The following TRPM4 variants were observed in gnomAD, a reference collection of about 807,000 sequenced individuals.
The protein encoded by TRPM4 is transient receptor potential cation channel subfamily M member 4.
A neutral mutation model predicts 135.6 loss-of-function variants in TRPM4; 124 were observed. That is an observed-to-expected ratio of 0.91 (90% CI 0.79 to 1.06). The LOEUF (loss-of-function observed/expected upper bound fraction) is 1.06, where lower values mean the gene tolerates loss of function less well. TRPM4 is among the 50% of genes least tolerant of loss of function. TRPM4 has a pLI of 0.00. For synonymous variants in TRPM4, 745 were observed against 705.6 expected (o/e 1.06, Z -0.88); for missense variants, 1,658 against 1,671.4 (o/e 0.99, Z 0.14).
At position 49,211,199 on chromosome 19, in the gene TRPM4, C is replaced by G. The variant is rs370370315; in HGVS notation, c.3570C>G (p.Ala1190=). ...GTAGCCGCGTCCTGGGGTGGGTGGC[C>G]GAGGCCCTGAGCCGCTCTGCCTTGC... ...QQCSRVLGWV[A]EALSRSALLP... The change falls in exon 24 of 25, where the codon GCC becomes GCG. Residue 1190 remains alanine (A), a synonymous_variant. Transcript: ENST00000252826. This position sits in a 1 kb window ranked among gnomAD's most constrained non-coding sequence, Gnocchi z 4.8. 7 of 1,602,042 alleles carry G rather than the reference C, an allele frequency of 4.4e-6. No homozygotes were observed. The African/African-American group carries it at 8.0e-5, about 18-fold the overall frequency.
intron 20 of TRPM4, among the ~76,000 whole-genome samples, chr19:49,207,878 C>G (rs1969207214): frequency 6.6e-6 from 1 of 151,982 alleles, no homozygotes; most frequent in Non-Finnish European, 1.5e-5. Flanking sequence ...GCCTGGGGGA[C>G]CACTACCACC....
chr19:49,190,786 T>C lies in TRPM4; in HGVS notation c.2210+13T>C, dbSNP rs770810282. 6.2e-7 allele frequency: 1 copy of C among 1,613,600 alleles called. No homozygotes were observed. The highest frequency in any genetic ancestry group is 8.5e-7 in the Non-Finnish European group (1 of 1,179,590). On this transcript the variant is annotated intron_variant, in intron 16 of 24. Coordinates refer to ENST00000252826, the MANE Select transcript of TRPM4 (RefSeq NM_017636.4). ...AAGGGCCTGTCGGGTGAGTGGAGCC[T>C]CCAGCACTGTGTGAGGTGGGGACAC...
intron 16 of TRPM4, among the ~76,000 whole-genome samples, chr19:49,195,885 T>G (rs981554468): frequency 2.7e-5 from 4 of 150,444 alleles, no homozygotes; most frequent in African/African-American, 9.8e-5. Flanking sequence ...ATTATTATTA[T>G]TATTATTTTT....
At chr19:49,197,514 T>TC (rs1968741595) in intron 17 of TRPM4, among the ~76,000 whole-genome samples, 2 of 146,036 alleles carry the variant, frequency 1.4e-5, no homozygotes, top group Non-Finnish European at 3.0e-5. Context: ...CTTCCTTCCT[T>TC]CTATGCTTCC....
At chr19:49,163,198 AT>A (rs71179098) in intron 2 of TRPM4, among the ~76,000 whole-genome samples, 27,271 of 145,122 alleles carry the variant, frequency 0.19, 3,140 homozygotes, top group South Asian at 0.31. Context: ...TATTATTATT[AT>A]TTTTTTTTTT....
rs763987428 is a variant in TRPM4, at chr19:49,210,866, A to T, written c.3461+24A>T. On this transcript the variant is annotated intron_variant, in intron 22 of 24. Coordinates refer to ENST00000252826, the MANE Select transcript of TRPM4 (RefSeq NM_017636.4). This position sits in a 1 kb window ranked among gnomAD's most constrained non-coding sequence, Gnocchi z 4.1. ...AAGTGAGAGCGGGGCCTGGTCGGGG[A>T]TGGGGCTTCTGGCCTGGGGCGGATC... is the stretch of plus-strand genomic sequence containing the variant. 2 of 1,546,838 alleles carry T rather than the reference A, an allele frequency of 1.3e-6. No homozygotes were observed. Among genetic ancestry groups the T allele is most frequent in the African/African-American group, 1.4e-5 (1 of 71,232 alleles).
rs767495100 is a variant in TRPM4 at position 49,166,103 on chromosome 19, C to A, written c.155C>A (p.Ala52Asp). 5 of 1,603,712 alleles carry A rather than the reference C, an allele frequency of 3.1e-6. No individual in the cohort carries two copies. The highest frequency in any genetic ancestry group is 1.7e-6 in the Non-Finnish European group (2 of 1,176,194). Residue 52 changes from alanine to aspartate, a missense_variant, in exon 3 of 25, where the codon GCC (alanine) becomes GAC (aspartate). Coordinates refer to ENST00000252826, the MANE Select transcript of TRPM4 (RefSeq NM_017636.4). ...CACCCCGCAGTGGCCATGGAGGATG[C>A]CTTCGGGGCAGCCGTGGTGACCGTG... ...TAHPAVAMED[A>D]FGAAVVTVWD...
At chr19:49,182,516 T>G in intron 10 of TRPM4, 62 bp from the exon 11 acceptor site, 1 of 1,373,884 alleles carries the variant, frequency 7.3e-7, no homozygotes. Flanking sequence ...CTCATACCCT[T>G]GCCCATCTCT....
At chr19:49,163,316 C>T (rs4802581) in intron 2 of TRPM4, among the ~76,000 whole-genome samples, 67,710 of 151,346 alleles carry the variant, frequency 0.45, 16,612 homozygotes, top group Non-Finnish European at 0.55. Flanking sequence ...CTGCCTCAGC[C>T]TCCTGAGTAG....
rs547541099 is a variant in TRPM4 at position 49,188,723 on chromosome 19, C to G, written c.1826C>G (p.Ala609Gly). The change falls in exon 13 of 25, where the codon GCA (alanine) becomes GGA (glycine). Residue 609 changes from alanine (A) to glycine (G), a missense_variant. Physicochemically the swap from Ala to Gly is moderately conservative, Grantham distance 60. Transcript: ENST00000252826. ...MARLEPDAEEAARRKDLAFKF... is the reference protein window; with the variant it reads ...MARLEPDAEEGARRKDLAFKF... ...CGCCTGGAGCCTGACGCTGAGGAGG[C>G]AGCACGGAGGAAAGACCTGGCGTTC... 21 of 1,614,208 alleles carry G rather than the reference C, an allele frequency of 1.3e-5. No individual in the cohort carries two copies. The African/African-American group carries it at 2.3e-4, about 17-fold the overall frequency.
At chr19:49,200,510 AGGGGCGTGACTTTG>A in intron 18 of TRPM4, 78 bp downstream of exon 18, 1 of 1,576,046 alleles carries the variant, frequency 6.3e-7, no homozygotes, top group Non-Finnish European at 8.6e-7. Context: ...TCCGTGGAGA[AGGGGCGTGACTTTG>A]GGGAGCAATG....
In TRPM4 at chr19:49,210,535, A is replaced by AAGGGGCGGAGCTTAAGCACTG; in HGVS notation, c.3328+137_3329-148dup. On this transcript the variant is annotated intron_variant, in intron 21 of 24. Coordinates refer to ENST00000252826, the MANE Select transcript of TRPM4 (RefSeq NM_017636.4). This position sits in a 1 kb window ranked among gnomAD's most constrained non-coding sequence, Gnocchi z 4.1. ...TAGCGAGGGGCGGGGTTTAAGCAAC[A>AAGGGGCGGAGCTTAAGCACTG]AGGGGCGGAGCTTAAGCACTGAGGG... is the stretch of plus-strand genomic sequence containing the variant. 7.1e-7 allele frequency: 1 copy of AAGGGGCGGAGCTTAAGCACTG among 1,414,604 alleles called. No homozygotes were observed. The highest frequency in any genetic ancestry group is 9.8e-7 in the Non-Finnish European group (1 of 1,024,574). The allele number at this position is 1,414,604 out of a possible 1,614,324, so 87.6% of individuals were successfully genotyped here.
At chr19:49,199,241 GT>G (rs566797949) in intron 17 of TRPM4, among the ~76,000 whole-genome samples, 60 of 144,648 alleles carry the variant, frequency 4.1e-4, no homozygotes, top group Non-Finnish European at 7.9e-4. Context: ...GTGCCCCCTT[GT>G]TTTTTTTTTG....
chr19:49,211,334 C>T lies in TRPM4; in HGVS notation c.3640+65C>T. ...TTCCTGTATTTTTGCGTGTTTTTCT[C>T]TCTCGGCACCTTTCCAGTGTCCCTG... On this transcript the variant is annotated intron_variant, in intron 24 of 24. Transcript: ENST00000252826. The surrounding 1 kb of genome is among the most constrained non-coding windows in gnomAD (Gnocchi z 4.8). 6.3e-7 allele frequency: 1 copy of T among 1,576,450 alleles called. No individual in the cohort carries two copies. Among genetic ancestry groups the T allele is most frequent in the Non-Finnish European group, 8.7e-7 (1 of 1,153,426 alleles).
chr19:49,164,038 T>C (rs1416912902), intron 2 of TRPM4, among the ~76,000 whole-genome samples: 12 of 152,260 alleles, frequency 7.9e-5, no homozygotes, highest in Admixed American at 7.9e-4. Context: ...GTTCTTTTAG[T>C]GTCTTTACGG....
chr19:49,190,972 G>C (rs751269493), intron 16 of TRPM4, among the ~76,000 whole-genome samples, 199 bp downstream of exon 16: 1 of 152,248 alleles, frequency 6.6e-6, no homozygotes, highest in East Asian at 1.9e-4. Context: ...TGGCATCTGC[G>C]GCTGGTGAGC....
chr19:49,208,487 G>C (rs1969232701), intron 20 of TRPM4, among the ~76,000 whole-genome samples: 1 of 151,776 alleles, frequency 6.6e-6, no homozygotes, highest in African/African-American at 2.4e-5. Context: ...GCCCTGTCCA[G>C]GAATAACAGA....
rs143590180 is a variant in TRPM4, at chr19:49,197,991, C to T, written c.2645+1117C>T. Among the ~76,000 whole-genome samples the T allele has an allele frequency of 7.2e-4, 110 of 152,142 alleles. No homozygotes were observed. In the East Asian group the frequency reaches 0.02, roughly 28 times the overall value. ...GATGTGGGTCACCGTGCCTGGCCAA[C>T]AACCTGGTGACTGTTTACAAGGGAC... On this transcript the variant is annotated intron_variant, in intron 17 of 24. Coordinates refer to ENST00000252826, the MANE Select transcript of TRPM4 (RefSeq NM_017636.4).
rs868589120 is a variant in TRPM4, at chr19:49,196,526, G to T, written c.2297G>T (p.Arg766Leu). Residue 766 changes from arginine to leucine, a missense_variant, in exon 17 of 25, where the codon CGC (arginine) becomes CTC (leucine). Arg to Leu is a moderately radical substitution (Grantham distance 102, BLOSUM62 -2). Transcript: ENST00000252826. ...TGCTGCGGGGGCCGCTGCGGGGGGC[G>T]CCGGTGCCTACGCCGCTGGTTCCAC... The part of the protein sequence containing the change: ...PGCCGGRCGG[R>L]RCLRRWFHFW... 6.4e-7 allele frequency: 1 copy of T among 1,554,212 alleles called. No homozygotes were observed.
Sources: allele counts gnomAD v4.1 joint callset (sites outside exome capture counted in the v4.1 genomes callset), GRCh38; gene constraint gnomAD v4.1.1; non-coding constraint Gnocchi (gnomAD v3.1); transcripts MANE v1.5; gene names NCBI Gene and HGNC (gene_info 2026-07-23, HGNC 2026-07-21).